BTN3A2: variants seen among roughly 807,000 people sequenced by gnomAD.
The protein encoded by BTN3A2 is butyrophilin protein.
BTN3A2 carries 25 observed loss-of-function variants against 37.6 expected under a neutral mutation model. That is an observed-to-expected ratio of 0.66 (90% confidence interval 0.48 to 0.93). The LOEUF is 0.93. BTN3A2 is among the 40% of genes least tolerant of loss of function. The probability of loss-of-function intolerance (pLI) is 0.00; values close to 1 mark genes in which losing one functional copy is unlikely to be tolerated. For synonymous variants in BTN3A2, 122 were observed against 159.4 expected (o/e 0.77, Z 1.77); for missense variants, 266 against 410.9 (o/e 0.65, Z 3.05).
In BTN3A2 at chr6:26,377,438, A is replaced by G; in HGVS notation, c.*1676A>G. The G allele has an allele frequency of 2.2e-6, 1 of 453,228 alleles. No individual in the cohort carries two copies. Among genetic ancestry groups the G allele is most frequent in the Non-Finnish European group, 4.1e-6 (1 of 245,654 alleles). The allele number at this position is 453,228 out of a possible 1,614,324, so 28.1% of individuals were successfully genotyped here. A position where few individuals can be genotyped will look rare whatever the true frequency, so the allele number is the denominator to read the frequency against. On this transcript the variant is annotated 3_prime_UTR_variant, in exon 11 of 11. Coordinates refer to ENST00000377708, the MANE Select transcript of BTN3A2 (RefSeq NM_007047.5). ...TACAAAGCAGACAGGAATAGTGAAC[A>G]ACAGAGCTGGGATCTGAACAACAAT...
In BTN3A2 at chr6:26,370,683, C is replaced by A; in HGVS notation, c.715+80C>A. 4 of 1,582,300 alleles carry A rather than the reference C, an allele frequency of 2.5e-6. No homozygotes were observed. The East Asian group carries it at 6.7e-5, about 27-fold the overall frequency. ...AGGGGGATGTGTTAATATCTGTGGT[C>A]GACCTGGGTCTCTGCACTGAATATA... is the stretch of plus-strand genomic sequence containing the variant. On this transcript the variant is annotated intron_variant, in intron 5 of 10. Coordinates refer to ENST00000377708, the MANE Select transcript of BTN3A2 (RefSeq NM_007047.5).
chr6:26,372,933 C>A lies in BTN3A2; in HGVS notation c.752C>A (p.Ala251Asp). The A allele has an allele frequency of 6.2e-7, 1 of 1,614,096 alleles. No individual in the cohort carries two copies. ...AGGAGCGCCCAGCCCTGGATCGCAG[C>A]CCTGGCAGGGACCCTGCCTATCTTG... ...FFRSAQPWIA[A>D]LAGTLPILLL... Residue 251 changes from alanine to aspartate, a missense_variant, in exon 6 of 11, where the codon GCC becomes GAC. Ala to Asp is a moderately radical substitution (Grantham distance 126). Coordinates refer to ENST00000377708, the MANE Select transcript of BTN3A2 (RefSeq NM_007047.5).
chr6:26,372,140 CTT>C (rs1351556660), intron 5 of BTN3A2, among the ~76,000 whole-genome samples: 1 of 152,160 alleles, frequency 6.6e-6, no homozygotes, highest in Non-Finnish European at 1.5e-5. Flanking sequence ...CCAAGATACA[CTT>C]TACACAGAAA....
rs111353898 is a variant in BTN3A2 at position 26,376,706 on chromosome 6, G to C, written c.*944G>C. The C allele has an allele frequency of 1.4e-3, 2,132 of 1,564,864 alleles. 19 individuals are homozygous for C. In the African/African-American group the frequency reaches 0.017, roughly 13 times the overall value. Reference sequence around the variant, plus strand: ...AGAGATTTGAATGGCGTTACTGTGTGCTTGGCTGTGAAAGCTTCATGTCAG... The same window carrying C: ...AGAGATTTGAATGGCGTTACTGTGTCCTTGGCTGTGAAAGCTTCATGTCAG... On this transcript the variant is annotated 3_prime_UTR_variant, in exon 11 of 11. Transcript: ENST00000377708.
Position 26,370,486 on chromosome 6 carries a change from G to A in BTN3A2, c.598G>A (p.Gly200Ser). The A allele has an allele frequency of 2.5e-6, 4 of 1,614,144 alleles. No homozygotes were observed. Among genetic ancestry groups the A allele is most frequent in the South Asian group, 2.2e-5 (2 of 91,086 alleles). Reference protein sequence around the residue: ...VEAPVVADGVGLYEVAASVIM... With the variant: ...VEAPVVADGVSLYEVAASVIM... ...AGCACCTGTGGTTGCAGATGGAGTG[G>A]GCCTATATGAAGTAGCAGCATCTGT... Residue 200 changes from glycine (G) to serine (S), a missense_variant, in exon 5 of 11, where the codon GGC (glycine) becomes AGC (serine). By Grantham distance (56) the Gly-to-Ser change is moderately conservative. Coordinates refer to ENST00000377708, the MANE Select transcript of BTN3A2 (RefSeq NM_007047.5).
Position 26,374,162 on chromosome 6 carries a change from T to G in BTN3A2, c.965-165T>G, listed in dbSNP as rs1029892756. 6 of 517,694 alleles carry G rather than the reference T, an allele frequency of 1.2e-5. No homozygotes were observed. In the East Asian group the frequency reaches 1.7e-4, roughly 14 times the overall value. 32.1% of individuals were successfully genotyped at this position (517,694 alleles called of 1,614,324 possible). On this transcript the variant is annotated intron_variant, in intron 8 of 10. Coordinates refer to ENST00000377708, the MANE Select transcript of BTN3A2 (RefSeq NM_007047.5). The stretch of plus-strand genomic sequence containing the variant: ...TATTAAGAAGAGGTGAAGAAAGAAT[T>G]GTACCTGAAGATGGAGACCATGGGG...
At chr6:26,372,571 C>T (rs760612631) in intron 5 of BTN3A2, 4 of 260,566 alleles carry the variant, frequency 1.5e-5, no homozygotes, top group Admixed American at 4.9e-5. Flanking sequence ...GAGAGAGTTG[C>T]GTGACTTTAT....
rs986445164 is a variant in BTN3A2, at chr6:26,367,977, A to C, written c.-66-13A>C. 3 of 1,290,590 alleles carry C rather than the reference A, an allele frequency of 2.3e-6. No homozygotes were observed. The African/African-American group carries it at 4.5e-5, about 19-fold the overall frequency. The allele number at this position is 1,290,590 out of a possible 1,614,324, so 79.9% of individuals were successfully genotyped here. A position where few individuals can be genotyped will look rare whatever the true frequency, so the allele number is the denominator to read the frequency against. On this transcript the variant is annotated splice_polypyrimidine_tract_variant and intron_variant, in intron 1 of 10. Coordinates refer to ENST00000377708, the MANE Select transcript of BTN3A2 (RefSeq NM_007047.5). Reference sequence around the variant, plus strand: ...GAGATGTCCTGATCAGATAACAGATATTATTTTTACAGATGGTTTTCCATA... The same window carrying C: ...GAGATGTCCTGATCAGATAACAGATCTTATTTTTACAGATGGTTTTCCATA...
chr6:26,367,243 C>T (rs9688949), intron 1 of BTN3A2, among the ~76,000 whole-genome samples: 22,962 of 152,184 alleles, frequency 0.15, 1,914 homozygotes, highest in African/African-American at 0.21. Context: ...ATTCCTCTAA[C>T]CAGTCTCTTG....
intron 8 of BTN3A2, 176 bp downstream of exon 8, chr6:26,373,589 A>AAC: frequency 2.9e-5 from 3 of 103,110 alleles, no homozygotes; most frequent in Non-Finnish European, 3.4e-5. Flanking sequence ...TTCTCTCTAG[A>AAC]AAAAAAAAAA....
rs71557335 is a variant in BTN3A2 at position 26,368,051 on chromosome 6, G to C, written c.-6+1G>C. 4.6e-6 allele frequency: 7 copies of C among 1,512,218 alleles called. No individual in the cohort carries two copies. Among genetic ancestry groups the C allele is most frequent in the Non-Finnish European group, 5.3e-6 (6 of 1,128,694 alleles). The allele number at this position is 1,512,218 out of a possible 1,614,324, so 93.7% of individuals were successfully genotyped here. Reference sequence around the variant, plus strand: ...TCAAGGACAGACATTTTTGGCAGAGGTAAGATCTTCTTCGGTCACCATATT... The same window carrying C: ...TCAAGGACAGACATTTTTGGCAGAGCTAAGATCTTCTTCGGTCACCATATT... On this transcript the variant is annotated splice_donor_variant, in intron 2 of 10. Transcript: ENST00000377708. LOFTEE classifies it low-confidence loss of function (5UTR_SPLICE).
At position 26,373,292 on chromosome 6, in the gene BTN3A2, A is replaced by C; in HGVS notation, c.933A>C (p.Glu311Asp). 2 of 1,594,884 alleles carry C rather than the reference A, an allele frequency of 1.3e-6. No homozygotes were observed. Among genetic ancestry groups the C allele is most frequent in the South Asian group, 2.2e-5 (2 of 88,922 alleles). Residue 311 changes from glutamate to aspartate, a missense_variant, in exon 7 of 11, where the codon GAA (glutamate) becomes GAC (aspartate). By Grantham distance (45) the Glu-to-Asp change is conservative. Around this residue, in one of 3 missense-constraint regions of BTN3A2, gnomAD observed 204 missense variants for 232.6 expected, o/e 0.88. Coordinates refer to ENST00000377708, the MANE Select transcript of BTN3A2 (RefSeq NM_007047.5). ...EISLRESLQE[E>D]LKRKKIQYLT... ...ATTTTCCAGAGAGCCTCCAGGAGGA[A>C]CTCAGTAAGTTACCATTCCCCCAGA...
Position 26,376,182 on chromosome 6 carries a change from C to G in BTN3A2, c.*420C>G, listed in dbSNP as rs1274776205. Reference sequence around the variant, plus strand: ...GAGCCGAGATCACGCCACTGCACTCCAGCCTGGGAGACAGAGCGAGACTCT... The same window carrying G: ...GAGCCGAGATCACGCCACTGCACTCGAGCCTGGGAGACAGAGCGAGACTCT... On this transcript the variant is annotated 3_prime_UTR_variant, in exon 11 of 11. Transcript: ENST00000377708. 6.6e-6 allele frequency: 1 copy of G among 150,586 alleles called. No individual in the cohort carries two copies. Among genetic ancestry groups the G allele is most frequent in the Non-Finnish European group, 1.3e-5 (1 of 75,776 alleles). The allele number at this position is 150,586 out of a possible 1,614,324, so 9.3% of individuals were successfully genotyped here.
At chr6:26,374,289 A>T (rs1561809923) in intron 8 of BTN3A2, 38 bp from the exon 9 acceptor site, 1 of 1,556,176 alleles carries the variant, frequency 6.4e-7, no homozygotes, top group East Asian at 2.4e-5. Flanking sequence ...CAGAAAAGGC[A>T]GAGTTCTGGT....
Position 26,377,107 on chromosome 6 carries a change from A to T in BTN3A2, c.*1345A>T. The T allele has an allele frequency of 3.8e-6, 5 of 1,323,870 alleles. No individual in the cohort carries two copies. Among genetic ancestry groups the T allele is most frequent in the Non-Finnish European group, 5.5e-6 (5 of 916,520 alleles). The allele number at this position is 1,323,870 out of a possible 1,614,324, so 82.0% of individuals were successfully genotyped here. A position where few individuals can be genotyped will look rare whatever the true frequency, so the allele number is the denominator to read the frequency against. On this transcript the variant is annotated 3_prime_UTR_variant, in exon 11 of 11. Coordinates refer to ENST00000377708, the MANE Select transcript of BTN3A2 (RefSeq NM_007047.5). ...ACCGTTTGCCCAATACCAAAAGTAGAGAGTTCCCCCGATCCCGACCTAGTG... is the reference window on the plus strand; with the variant it reads ...ACCGTTTGCCCAATACCAAAAGTAGTGAGTTCCCCCGATCCCGACCTAGTG...
Position 26,365,264 on chromosome 6 carries a change from G to A in BTN3A2, c.-155G>A. On this transcript the variant is annotated 5_prime_UTR_variant, in exon 1 of 11. Coordinates refer to ENST00000377708, the MANE Select transcript of BTN3A2 (RefSeq NM_007047.5). ...TCTCTTTTTCCTTTCTTCCGGATGAGAGGCTAAGCCATAATAGAAAGAATG... is the reference window on the plus strand; with the variant it reads ...TCTCTTTTTCCTTTCTTCCGGATGAAAGGCTAAGCCATAATAGAAAGAATG... The A allele has an allele frequency of 6.6e-7, 1 of 1,504,456 alleles. No individual in the cohort carries two copies. The highest frequency in any genetic ancestry group is 8.9e-7 in the Non-Finnish European group (1 of 1,119,066). The allele number at this position is 1,504,456 out of a possible 1,614,324, so 93.2% of individuals were successfully genotyped here.
In BTN3A2 at chr6:26,377,512, G is replaced by C. The variant is rs964551314; in HGVS notation, c.*1750G>C. 3.1e-6 allele frequency: 1 copy of C among 324,428 alleles called. No individual in the cohort carries two copies. The highest frequency in any genetic ancestry group is 5.9e-6 in the Non-Finnish European group (1 of 169,318). The allele number at this position is 324,428 out of a possible 1,614,324, so 20.1% of individuals were successfully genotyped here. On this transcript the variant is annotated 3_prime_UTR_variant, in exon 11 of 11. Transcript: ENST00000377708. ...AAACGTTCTGAGTGCTGTGTTATGA[G>C]CTTTGGTGGGTGTCACTCCTTTAAT...
At chr6:26,374,200 GTAAAAAAAAAAAAAAAAAA>G (rs1760447851) in intron 8 of BTN3A2, 108 bp from the exon 9 acceptor site, 3 of 391,510 alleles carry the variant, frequency 7.7e-6, no homozygotes, top group African/African-American at 5.0e-5. Context: ...GGGTGGGATG[GTAAAAAAAAAAAAAAAAAA>G]AAAAAAAAAA....
Position 26,377,116 on chromosome 6 carries a change from C to G in BTN3A2, c.*1354C>G. The G allele has an allele frequency of 1.5e-6, 2 of 1,315,274 alleles. No homozygotes were observed. The highest frequency in any genetic ancestry group is 2.2e-6 in the Non-Finnish European group (2 of 908,856). The allele number at this position is 1,315,274 out of a possible 1,614,324, so 81.5% of individuals were successfully genotyped here. On this transcript the variant is annotated 3_prime_UTR_variant, in exon 11 of 11. Transcript: ENST00000377708. ...CCAATACCAAAAGTAGAGAGTTCCCCCGATCCCGACCTAGTGCCTGATCAT... is the reference window on the plus strand; with the variant it reads ...CCAATACCAAAAGTAGAGAGTTCCCGCGATCCCGACCTAGTGCCTGATCAT...
Sources: allele counts gnomAD v4.1 joint callset (sites outside exome capture counted in the v4.1 genomes callset), GRCh38; gene constraint gnomAD v4.1.1; regional missense constraint gnomAD v4.1.1; transcripts MANE v1.5; gene names NCBI Gene and HGNC (gene_info 2026-07-23, HGNC 2026-07-21).